SH3RF3: variants seen among roughly 807,000 people sequenced by gnomAD.
SH3RF3 encodes SH3 domain containing ring finger 3.
In SH3RF3, 29 loss-of-function variants were observed where a neutral mutation model predicts 66.3. The observed-to-expected ratio is 0.44, with a 90% CI of 0.33 to 0.60. The LOEUF (loss-of-function observed/expected upper bound fraction) is 0.60, where lower values mean the gene tolerates loss of function less well. SH3RF3 is among the 20% of genes least tolerant of loss of function. The pLI, the probability that SH3RF3 is intolerant of heterozygous loss-of-function variation, is 0.04. For synonymous variants in SH3RF3, 583 were observed against 532.0 expected (o/e 1.10, Z -1.32); for missense variants, 1,194 against 1,190.9 (o/e 1.00, Z -0.04).
chr2:109,400,575 G>GCGCACA (rs1676285795), intron 4 of SH3RF3, among the ~76,000 whole-genome samples: 2 of 147,090 alleles, frequency 1.4e-5, no homozygotes, highest in South Asian at 4.2e-4. Context: ...ACACCTGTGC[G>GCGCACA]CACACACACA....
At chr2:109,358,761 T>C (rs923224395) in intron 2 of SH3RF3, among the ~76,000 whole-genome samples, 1 of 152,250 alleles carries the variant, frequency 6.6e-6, no homozygotes, top group African/African-American at 2.4e-5. Context: ...ACAGTATCTT[T>C]TGCAGAGTAC....
rs756315877 is a variant in SH3RF3, at chr2:109,244,873, G to T, written c.574-102801G>T. ...CTTTCCCACTGCAGCCTGTGCCATC[G>T]TCATATTCTGCAGGGTGTGGACACA... is the stretch of plus-strand genomic sequence containing the variant. On this transcript the variant is annotated intron_variant, in intron 1 of 9. Transcript: ENST00000309415. 2.0e-5 allele frequency among the ~76,000 whole-genome samples: 3 copies of T among 152,180 alleles called. No homozygotes were observed. The East Asian group carries it at 5.8e-4, about 29-fold the overall frequency.
chr2:109,403,983 G>C (rs1043678965), intron 4 of SH3RF3, among the ~76,000 whole-genome samples: 2 of 152,158 alleles, frequency 1.3e-5, no homozygotes, highest in Non-Finnish European at 1.5e-5. Context: ...TCTTTCTGCT[G>C]CTCAGGGAAT....
chr2:109,303,989 T>C (rs1257971192), intron 1 of SH3RF3, among the ~76,000 whole-genome samples: 1 of 152,026 alleles, frequency 6.6e-6, no homozygotes, highest in East Asian at 1.9e-4. Flanking sequence ...TAATCTCAGC[T>C]ACTTCAGAGG....
rs1406097362 is a variant in SH3RF3, at chr2:109,357,154, A to G, written c.849+9205A>G. ...ATCATAATTATGCAGCTTGATGATTATCACAAACAATATATTCTTGTTTTT... is the reference window on the plus strand; with the variant it reads ...ATCATAATTATGCAGCTTGATGATTGTCACAAACAATATATTCTTGTTTTT... On this transcript the variant is annotated intron_variant, in intron 2 of 9. Coordinates refer to ENST00000309415, the MANE Select transcript of SH3RF3 (RefSeq NM_001099289.3). 4.0e-5 allele frequency among the ~76,000 whole-genome samples: 6 copies of G among 151,138 alleles called. No homozygotes were observed. In the South Asian group the frequency reaches 8.3e-4, roughly 21 times the overall value.
At chr2:109,371,752 T>C in intron 3 of SH3RF3, 71 bp downstream of exon 3, 1 of 1,335,552 alleles carries the variant, frequency 7.5e-7, no homozygotes, top group Non-Finnish European at 1.1e-6. Context: ...TGGGGTCACC[T>C]GACCTTCAAG....
intron 5 of SH3RF3, among the ~76,000 whole-genome samples, chr2:109,426,895 C>A (rs1370307063): frequency 6.6e-6 from 1 of 152,106 alleles, no homozygotes; most frequent in East Asian, 1.9e-4. Context: ...CAAGACAAGA[C>A]CCTCTACCAG....
At chr2:109,238,845 G>T (rs1354064514) in intron 1 of SH3RF3, among the ~76,000 whole-genome samples, 1 of 152,102 alleles carries the variant, frequency 6.6e-6, no homozygotes, top group African/African-American at 2.4e-5. Flanking sequence ...CAGCCAGTGT[G>T]GGGGGCAGTC....
At chr2:109,229,586 G>A (rs1220527038) in intron 1 of SH3RF3, among the ~76,000 whole-genome samples, 1 of 152,124 alleles carries the variant, frequency 6.6e-6, no homozygotes, top group East Asian at 1.9e-4. Flanking sequence ...CATTAAAAAG[G>A]CACACTCATG....
intron 3 of SH3RF3, among the ~76,000 whole-genome samples, chr2:109,376,973 C>T (rs532257776): frequency 1.3e-5 from 2 of 152,360 alleles, no homozygotes; most frequent in African/African-American, 2.4e-5. Flanking sequence ...GCACCTGTCC[C>T]GGCAGCCAGC....
intron 1 of SH3RF3, among the ~76,000 whole-genome samples, chr2:109,225,921 A>G (rs1472947135): frequency 1.3e-5 from 2 of 152,180 alleles, no homozygotes; most frequent in Non-Finnish European, 2.9e-5. Flanking sequence ...GCTTTCCACC[A>G]TGCCAGCTAA....
intron 3 of SH3RF3, among the ~76,000 whole-genome samples, chr2:109,374,070 TC>T (rs972557799): frequency 2.0e-5 from 3 of 152,080 alleles, no homozygotes; most frequent in African/African-American, 7.2e-5. Context: ...AAAGCCCTCC[TC>T]CCTCAGGGCC....
At chr2:109,414,863 G>A (rs1242456269) in intron 4 of SH3RF3, among the ~76,000 whole-genome samples, 3 of 152,246 alleles carry the variant, frequency 2.0e-5, no homozygotes, top group African/African-American at 7.2e-5. Context: ...TGTTGGTGGA[G>A]AAGGGACTGA....
At chr2:109,293,030 A>G (rs970774763) in intron 1 of SH3RF3, among the ~76,000 whole-genome samples, 6 of 152,124 alleles carry the variant, frequency 3.9e-5, no homozygotes, top group African/African-American at 1.4e-4. Flanking sequence ...CCGCACCCCA[A>G]TTTGACATTT....
At chr2:109,424,773 T>C (rs563708197) in intron 5 of SH3RF3, among the ~76,000 whole-genome samples, 1 of 152,272 alleles carries the variant, frequency 6.6e-6, no homozygotes, top group South Asian at 2.1e-4. Context: ...CCATCTCTCT[T>C]TCTCTCCCCA....
intron 1 of SH3RF3, among the ~76,000 whole-genome samples, chr2:109,171,522 G>A (rs926832369): frequency 1.3e-5 from 2 of 152,246 alleles, no homozygotes; most frequent in African/African-American, 4.8e-5. Context: ...TATGGTCAGC[G>A]CTGTGGCTTC....
chr2:109,170,842 C>T (rs975685302), intron 1 of SH3RF3, among the ~76,000 whole-genome samples: 4 of 152,192 alleles, frequency 2.6e-5, no homozygotes, highest in Non-Finnish European at 4.4e-5. Flanking sequence ...ACAGAGAGGG[C>T]GCTTTTCTCC....
intron 2 of SH3RF3, among the ~76,000 whole-genome samples, chr2:109,356,702 C>T (rs771209555): frequency 3.3e-5 from 5 of 152,184 alleles, no homozygotes; most frequent in Non-Finnish European, 5.9e-5. Context: ...CAACTCCTGG[C>T]CTGTGAAGTA....
intron 3 of SH3RF3, among the ~76,000 whole-genome samples, chr2:109,381,381 T>C (rs983154180): frequency 3.3e-5 from 5 of 152,196 alleles, no homozygotes; most frequent in African/African-American, 1.2e-4. Flanking sequence ...GCGGGGTTAC[T>C]TTTACACCTA....
Sources: allele counts gnomAD v4.1 joint callset (sites outside exome capture counted in the v4.1 genomes callset), GRCh38; gene constraint gnomAD v4.1.1; transcripts MANE v1.5; gene names NCBI Gene and HGNC (gene_info 2026-07-23, HGNC 2026-07-21).